Variants in NIN observed in about 807,000 individuals in gnomAD.
NIN encodes the protein ninein, also known as glycogen synthase kinase 3 beta-interacting protein.
Under a neutral mutation model 257.6 loss-of-function variants are expected in NIN, and 137 were observed. The observed-to-expected ratio is 0.53, with a 90% CI of 0.46 to 0.61. The LOEUF is 0.61. Ranked by LOEUF, NIN falls within the 20% of genes least tolerant of loss-of-function variation. The pLI, the probability that NIN is intolerant of heterozygous loss-of-function variation, is 0.00. For missense variants in NIN, 2,439 were observed against 2,501.2 expected (o/e 0.98, Z 0.53); for synonymous variants, 918 against 919.8 (o/e 1.00, Z 0.04).
In NIN at chr14:50,822,043, T is replaced by C; in HGVS notation, c.14A>G (p.Glu5Gly). 6.2e-7 allele frequency: 1 copy of C among 1,613,336 alleles called. No homozygotes were observed. The highest frequency in any genetic ancestry group is 8.5e-7 in the Non-Finnish European group (1 of 1,179,472). Residue 5 changes from glutamate to glycine, a missense_variant, in exon 3 of 31, where the codon GAG becomes GGG. Physicochemically the swap from Glu to Gly is moderately conservative, Grantham distance 98. Transcript: ENST00000530997. MDEV[E>G]QDQHEARLKE... The stretch of plus-strand genomic sequence containing the variant: ...GAGTCGGGCCTCATGCTGGTCCTGC[T>C]CCACCTCATCCATCCCATAGCCCAC...
At chr14:50,731,978 G>A (rs1448016246) in intron 28 of NIN, among the ~76,000 whole-genome samples, 2 of 152,328 alleles carry the variant, frequency 1.3e-5, no homozygotes, top group Admixed American at 1.3e-4. Flanking sequence ...AGGTACACAA[G>A]AGACTCGAGA....
chr14:50,799,290 A>G (rs1476640310), intron 4 of NIN, among the ~76,000 whole-genome samples: 1 of 152,166 alleles, frequency 6.6e-6, no homozygotes, highest in African/African-American at 2.4e-5. Context: ...TAAGGTCAAC[A>G]TCAGTCTAGC....
At chr14:50,812,910 A>G (rs1314577437) in intron 3 of NIN, among the ~76,000 whole-genome samples, 3 of 152,214 alleles carry the variant, frequency 2.0e-5, no homozygotes, top group Non-Finnish European at 2.9e-5. Flanking sequence ...CACACACCAC[A>G]TAGCAGCTGG....
chr14:50,724,029 T>C (rs1048512486), intron 30 of NIN: 6 of 245,348 alleles, frequency 2.4e-5, no homozygotes, highest in Non-Finnish European at 4.8e-5. Flanking sequence ...GTGTCAGGTG[T>C]GGACTGTTTA....
chr14:50,741,770 G>C, intron 24 of NIN, 42 bp from the exon 25 acceptor site: 1 of 1,602,652 alleles, frequency 6.2e-7, no homozygotes, highest in Middle Eastern at 1.7e-4. Context: ...ACAAACTCTT[G>C]TGGTCTCACC....
chr14:50,760,120 C>G lies in NIN; in HGVS notation c.2136G>C (p.Lys712Asn). ...KQLQVKLEEE[K>N]THLQEKLRLQ... ...GCCTCAGCTTCTCCTGCAGGTGAGT[C>G]TTTTCCTCCTCAAGCTTCACTTGCA... is the stretch of plus-strand genomic sequence containing the variant. Residue 712 changes from lysine (K) to asparagine (N), a missense_variant, in exon 17 of 31, where the codon AAG (lysine) becomes AAC (asparagine). Lys to Asn is a moderately conservative substitution (Grantham distance 94, BLOSUM62 0). Around this residue, in one of 3 missense-constraint regions of NIN, gnomAD observed 2,043 missense variants for 2,050.2 expected, o/e 1.00. Coordinates refer to ENST00000530997, the MANE Select transcript of NIN (RefSeq NM_020921.4). 6.2e-7 allele frequency: 1 copy of G among 1,614,210 alleles called. No individual in the cohort carries two copies. The highest frequency in any genetic ancestry group is 8.5e-7 in the Non-Finnish European group (1 of 1,180,042).
chr14:50,750,991 T>A (rs2041763265), intron 21 of NIN, among the ~76,000 whole-genome samples: 1 of 152,248 alleles, frequency 6.6e-6, no homozygotes, highest in Non-Finnish European at 1.5e-5. Flanking sequence ...AATATCCCTT[T>A]CTTACACACA....
At chr14:50,808,340 C>T (rs1207275899) in intron 3 of NIN, among the ~76,000 whole-genome samples, 3 of 152,226 alleles carry the variant, frequency 2.0e-5, no homozygotes, top group African/African-American at 4.8e-5. Context: ...AGTTCACAAA[C>T]ATCATGCACT....
intron 21 of NIN, 141 bp from the exon 22 acceptor site, chr14:50,748,246 G>A: frequency 1.7e-6 from 1 of 572,406 alleles, no homozygotes. Context: ...TATCGTAAAA[G>A]ACTTTCCACT....
chr14:50,736,321 T>C (rs1273891565), intron 27 of NIN, among the ~76,000 whole-genome samples: 1 of 151,576 alleles, frequency 6.6e-6, no homozygotes, highest in African/African-American at 2.4e-5. Flanking sequence ...TTTTTTTTTT[T>C]AGAGATGGGA....
At chr14:50,826,261 C>T (rs1222868312) in intron 2 of NIN, among the ~76,000 whole-genome samples, 1 of 152,166 alleles carries the variant, frequency 6.6e-6, no homozygotes, top group Admixed American at 6.5e-5. Flanking sequence ...ACCTGGGCCT[C>T]TCCTCACCAT....
intron 14 of NIN, among the ~76,000 whole-genome samples, chr14:50,764,666 C>A (rs1185629905): frequency 6.6e-6 from 1 of 152,074 alleles, no homozygotes; most frequent in African/African-American, 2.4e-5. Flanking sequence ...CACGCTACAA[C>A]ATGGATGAAC....
At chr14:50,815,921 GC>G (rs1205426729) in intron 3 of NIN, among the ~76,000 whole-genome samples, 2 of 152,116 alleles carry the variant, frequency 1.3e-5, no homozygotes, top group African/African-American at 4.8e-5. Context: ...AGGCAGAATT[GC>G]TTGAACCCAG....
chr14:50,731,873 C>G (rs545402405), intron 28 of NIN, among the ~76,000 whole-genome samples: 1 of 152,126 alleles, frequency 6.6e-6, no homozygotes, highest in Non-Finnish European at 1.5e-5. Flanking sequence ...CAGAATGGAT[C>G]TGATGTTAAA....
intron 18 of NIN, 63 bp downstream of exon 18, chr14:50,756,429 T>C (rs2042029786): frequency 6.6e-7 from 1 of 1,511,012 alleles, no homozygotes; most frequent in Middle Eastern, 1.8e-4. Flanking sequence ...CGGCAAGCAG[T>C]GGAAGTTAGA....
Position 50,741,639 on chromosome 14 carries a change from C to T in NIN, c.5391G>A (p.Glu1797=). ...SDLRVTQQEK[E]ALKQEVMSLH... is the part of the protein sequence containing the mutation. Reference sequence around the variant, plus strand: ...AAGACATCACTTCTTGTTTTAAAGCCTCCTTTTCCTGCTGAGTCACTCGTA... The same window carrying T: ...AAGACATCACTTCTTGTTTTAAAGCTTCCTTTTCCTGCTGAGTCACTCGTA... Residue 1797 remains glutamate, a synonymous_variant, in exon 25 of 31, where the codon GAG becomes GAA. Coordinates refer to ENST00000530997, the MANE Select transcript of NIN (RefSeq NM_020921.4). The T allele has an allele frequency of 3.1e-6, 5 of 1,614,128 alleles. No individual in the cohort carries two copies. Among genetic ancestry groups the T allele is most frequent in the Non-Finnish European group, 4.2e-6 (5 of 1,179,986 alleles).
intron 4 of NIN, 90 bp from the exon 5 acceptor site, chr14:50,792,971 C>T (rs1293729160): frequency 1.5e-6 from 2 of 1,337,134 alleles, no homozygotes; most frequent in South Asian, 1.3e-5. Flanking sequence ...GCCTCTTATA[C>T]CAACCTCAAA....
Position 50,822,031 on chromosome 14 carries a change from T to C in NIN, c.26A>G (p.His9Arg). The C allele has an allele frequency of 1.9e-6, 3 of 1,613,802 alleles. No homozygotes were observed. The highest frequency in any genetic ancestry group is 2.5e-6 in the Non-Finnish European group (3 of 1,179,774). Residue 9 changes from histidine to arginine, a missense_variant, in exon 3 of 31, where the codon CAT (histidine) becomes CGT (arginine). Transcript: ENST00000530997. ...AAACAGCTCCTTGAGTCGGGCCTCA[T>C]GCTGGTCCTGCTCCACCTCATCCAT... MDEVEQDQ[H>R]EARLKELFDS...
At chr14:50,727,842 A>AT in intron 29 of NIN, 2 of 1,175,256 alleles carry the variant, frequency 1.7e-6, no homozygotes, top group South Asian at 2.4e-5. Flanking sequence ...AATGCAAACA[A>AT]TTTTTAAAAG....
Sources: allele counts gnomAD v4.1 joint callset (sites outside exome capture counted in the v4.1 genomes callset), GRCh38; gene constraint gnomAD v4.1.1; regional missense constraint gnomAD v4.1.1; transcripts MANE v1.5; gene names NCBI Gene and HGNC (gene_info 2026-07-23, HGNC 2026-07-21).